Variants in LRP1B observed in about 807,000 individuals in gnomAD.
The protein encoded by LRP1B is low-density lipoprotein receptor-related protein 1B.
A neutral mutation model predicts 556.6 loss-of-function variants in LRP1B; 217 were observed. That is an observed-to-expected ratio of 0.39 (90% confidence interval 0.35 to 0.44). The LOEUF is 0.44. Ranked by LOEUF, LRP1B falls within the 20% of genes least tolerant of loss-of-function variation. LRP1B has a pLI of 1.00. For synonymous variants in LRP1B, 2,047 were observed against 1,865.8 expected, an observed-to-expected ratio of 1.10 and a Z score of -2.50; for missense variants, 5,053 against 5,620.8, an observed-to-expected ratio of 0.90 and a Z score of 3.23.
chr2:141,005,251 C>A (rs2105373304), intron 15 of LRP1B, 84 bp downstream of exon 15: 2 of 1,444,124 alleles, frequency 1.4e-6, no homozygotes, highest in South Asian at 2.8e-5. Flanking sequence ...TTCCAAGTGT[C>A]ATTTTAATTC....
Position 140,650,641 on chromosome 2 carries a change from G to C in LRP1B, c.6800-49002C>G, listed in dbSNP as rs765318725. On this transcript the variant is annotated intron_variant, in intron 41 of 90. Coordinates refer to ENST00000389484, the MANE Select transcript of LRP1B (RefSeq NM_018557.3). ...TGGGATTACAGGTGTGAGCCACCAT[G>C]CCCGGCCGACAGTTAAATCATTTTA... Among the ~76,000 whole-genome samples the C allele has an allele frequency of 1.1e-4, 16 of 152,118 alleles. 1 individual carries two copies. The highest frequency in any genetic ancestry group is 1.9e-4 in the Non-Finnish European group (13 of 68,016).
At chr2:141,400,303 A>G (rs1324295621) in intron 3 of LRP1B, among the ~76,000 whole-genome samples, 1 of 152,166 alleles carries the variant, frequency 6.6e-6, no homozygotes, top group African/African-American at 2.4e-5. Context: ...AAATCCTCAC[A>G]TCAATCTTAT....
chr2:141,648,811 C>T (rs1014166220), intron 2 of LRP1B, among the ~76,000 whole-genome samples: 12 of 152,252 alleles, frequency 7.9e-5, no homozygotes, highest in African/African-American at 1.9e-4. Flanking sequence ...CCAAAGCCTT[C>T]GAGGACACCC....
At chr2:141,832,010 C>G (rs773155182) in intron 1 of LRP1B, among the ~76,000 whole-genome samples, 6 of 151,608 alleles carry the variant, frequency 4.0e-5, no homozygotes. Context: ...GTACTGGAGC[C>G]TTGACCAATG....
intron 62 of LRP1B, among the ~76,000 whole-genome samples, chr2:140,455,033 A>T (rs6744731): frequency 0.13 from 20,470 of 152,116 alleles, 1,572 homozygotes; most frequent in African/African-American, 0.19. Flanking sequence ...TTTTAGAATA[A>T]CCTGGATGGA....
chr2:140,330,134 A>T (rs1680719336), intron 79 of LRP1B, among the ~76,000 whole-genome samples: 1 of 151,140 alleles, frequency 6.6e-6, no homozygotes, highest in Non-Finnish European at 1.5e-5. Context: ...CGGGAGGCAG[A>T]GGCTGCAGTG....
At chr2:140,530,537 TA>T (rs1477036716) in intron 47 of LRP1B, among the ~76,000 whole-genome samples, 1 of 152,244 alleles carries the variant, frequency 6.6e-6, no homozygotes, top group Middle Eastern at 3.4e-3. Flanking sequence ...ACAAGGACAC[TA>T]TGTTAATAAA....
At chr2:141,638,899 G>A (rs1384079615) in intron 2 of LRP1B, among the ~76,000 whole-genome samples, 1 of 44,836 alleles carries the variant, frequency 2.2e-5, no homozygotes, top group Non-Finnish European at 5.2e-5. Flanking sequence ...GTATGTGCGT[G>A]TGTGTGTGTG....
chr2:141,839,961 A>G (rs1697410556), intron 1 of LRP1B, among the ~76,000 whole-genome samples: 1 of 152,186 alleles, frequency 6.6e-6, no homozygotes, highest in South Asian at 2.1e-4. Context: ...TTAAAGAAAA[A>G]TAAAATAAAA....
chr2:142,038,678 A>G (rs901658767), intron 1 of LRP1B, among the ~76,000 whole-genome samples: 17 of 151,480 alleles, frequency 1.1e-4, no homozygotes, highest in African/African-American at 4.1e-4. Context: ...TTATTCCTCT[A>G]CGATCTCCAG....
chr2:140,483,270 A>C (rs2105358786), intron 59 of LRP1B, among the ~76,000 whole-genome samples: 2 of 152,186 alleles, frequency 1.3e-5, no homozygotes, highest in East Asian at 3.9e-4. Context: ...TGCTATTTTA[A>C]TTGACACTTT....
chr2:141,788,792 GT>G (rs1254443671), intron 2 of LRP1B, among the ~76,000 whole-genome samples: 1 of 149,092 alleles, frequency 6.7e-6, no homozygotes, highest in African/African-American at 2.5e-5. Context: ...TGCGGTGTTT[GT>G]TTTTTTGCCC....
At chr2:141,540,750 G>A (rs945417726) in intron 2 of LRP1B, among the ~76,000 whole-genome samples, 3 of 151,852 alleles carry the variant, frequency 2.0e-5, no homozygotes, top group Non-Finnish European at 4.4e-5. Flanking sequence ...GCTATTTTAG[G>A]ATCACTGAAA....
chr2:141,831,498 G>A (rs1284817994), intron 1 of LRP1B, among the ~76,000 whole-genome samples: 3 of 151,402 alleles, frequency 2.0e-5, no homozygotes, highest in Non-Finnish European at 4.4e-5. Context: ...TTTTTCAATT[G>A]TCTACCTTTT....
chr2:141,463,341 T>C (rs1476458526), intron 3 of LRP1B, among the ~76,000 whole-genome samples: 1 of 151,560 alleles, frequency 6.6e-6, no homozygotes, highest in African/African-American at 2.4e-5. Flanking sequence ...TTGGGAAGTA[T>C]TTCTCACTGA....
intron 32 of LRP1B, among the ~76,000 whole-genome samples, chr2:140,790,840 C>T (rs1437273925): frequency 1.3e-5 from 2 of 152,158 alleles, no homozygotes; most frequent in African/African-American, 4.8e-5. Flanking sequence ...ATGGCTCACA[C>T]CTGTAATCCC....
At chr2:141,957,383 T>TGGGG (rs70994470) in intron 1 of LRP1B, among the ~76,000 whole-genome samples, 2 of 58,446 alleles carry the variant, frequency 3.4e-5, no homozygotes, top group African/African-American at 1.4e-4. Context: ...TTTGTGTGTG[T>TGGGG]GGGGGGGGGG....
At chr2:140,247,314 A>C (rs1463589162) in intron 86 of LRP1B, 152 bp from the exon 87 acceptor site, 1 of 612,326 alleles carries the variant, frequency 1.6e-6, no homozygotes, top group Non-Finnish European at 3.0e-6. Flanking sequence ...GATCTCTTGC[A>C]TATTGTTAGT....
At chr2:140,943,741 A>G (rs1290928121) in intron 20 of LRP1B, among the ~76,000 whole-genome samples, 1 of 152,088 alleles carries the variant, frequency 6.6e-6, no homozygotes, top group African/African-American at 2.4e-5. Context: ...GAGATACAGC[A>G]TACTAAAACC....
Sources: allele counts gnomAD v4.1 joint callset (sites outside exome capture counted in the v4.1 genomes callset), GRCh38; gene constraint gnomAD v4.1.1; transcripts MANE v1.5; gene names NCBI Gene and HGNC (gene_info 2026-07-23, HGNC 2026-07-21).